SLC44A1: variants seen among roughly 807,000 people sequenced by gnomAD.
The protein encoded by SLC44A1 is solute carrier family 44 member 1.
Under a neutral mutation model 79.3 loss-of-function variants are expected in SLC44A1, and 26 were observed. The ratio of observed to expected loss-of-function variants is 0.33; its 90% CI spans 0.24 to 0.46. SLC44A1 has a LOEUF of 0.46. Among genes scored for constraint, SLC44A1 ranks in the 20% least tolerant of loss-of-function variants. The pLI is 1.00. For synonymous variants in SLC44A1, 263 were observed against 286.2 expected (o/e 0.92, Z 0.82); for missense variants, 688 against 798.1 (o/e 0.86, Z 1.66).
chr9:105,334,692 T>G (rs1826856782), intron 3 of SLC44A1, among the ~76,000 whole-genome samples: 1 of 152,234 alleles, frequency 6.6e-6, no homozygotes, highest in Non-Finnish European at 1.5e-5. Context: ...TAGCCCTTAC[T>G]TTCTCTTTGA....
At chr9:105,258,682 G>C (rs771314906) in intron 1 of SLC44A1, among the ~76,000 whole-genome samples, 2 of 151,980 alleles carry the variant, frequency 1.3e-5, no homozygotes, top group Non-Finnish European at 2.9e-5. Flanking sequence ...GCTGTTTGCT[G>C]TTTGTTGTTT....
chr9:105,272,309 C>T (rs545785079), intron 1 of SLC44A1, among the ~76,000 whole-genome samples: 28 of 152,022 alleles, frequency 1.8e-4, no homozygotes, highest in Non-Finnish European at 2.9e-4. Context: ...AATATGTAAT[C>T]ACCACAACAG....
chr9:105,429,182 G>A (rs1447254216), intron 15 of SLC44A1, among the ~76,000 whole-genome samples: 1 of 152,330 alleles, frequency 6.6e-6, no homozygotes, highest in Non-Finnish European at 1.5e-5. Flanking sequence ...CACATCCACA[G>A]GGCACACAAT....
In SLC44A1 at chr9:105,389,564, A is replaced by G. The variant is rs1047272046; in HGVS notation, c.*508A>G. 35 of 1,105,992 alleles carry G rather than the reference A, an allele frequency of 3.2e-5. No individual in the cohort carries two copies. Among genetic ancestry groups the G allele is most frequent in the Middle Eastern group, 3.9e-4 (1 of 2,542 alleles). The allele number at this position is 1,105,992 out of a possible 1,614,324, so 68.5% of individuals were successfully genotyped here. ...AGATAAATAAGGAATTACTCCAATC[A>G]GTTTTCCCCAATCAAAGAAGCCATG... is the stretch of plus-strand genomic sequence containing the variant. On this transcript the variant is annotated 3_prime_UTR_variant, in exon 16 of 16. Coordinates refer to ENST00000374720, the MANE Select transcript of SLC44A1 (RefSeq NM_080546.5).
chr9:105,262,540 A>G (rs564478481), intron 1 of SLC44A1, among the ~76,000 whole-genome samples: 4 of 152,238 alleles, frequency 2.6e-5, no homozygotes, highest in East Asian at 1.9e-4. Context: ...AGTAGAACAC[A>G]TCGAAAGTAT....
At position 105,393,608 on chromosome 9, in the gene SLC44A1, C is replaced by G. The variant is rs758072880; in HGVS notation, c.*4552C>G. ...TTACTGATTTCTGTGGAAAACCTTTCTTTTCTATAGAAATACTGTAGTGCC... is the reference window on the plus strand; with the variant it reads ...TTACTGATTTCTGTGGAAAACCTTTGTTTTCTATAGAAATACTGTAGTGCC... On this transcript the variant is annotated 3_prime_UTR_variant, in exon 16 of 16. Transcript: ENST00000374720. 9 of 973,256 alleles carry G rather than the reference C, an allele frequency of 9.2e-6. No individual in the cohort carries two copies. Among genetic ancestry groups the G allele is most frequent in the Non-Finnish European group, 9.8e-6 (8 of 818,880 alleles). 60.3% of individuals were successfully genotyped at this position (973,256 alleles called of 1,614,324 possible).
chr9:105,423,695 C>T (rs185569659), intron 15 of SLC44A1, among the ~76,000 whole-genome samples: 119 of 152,294 alleles, frequency 7.8e-4, no homozygotes, highest in African/African-American at 2.8e-3. Flanking sequence ...TAAATAGTAA[C>T]ACTGTTAAAC....
intron 1 of SLC44A1, among the ~76,000 whole-genome samples, chr9:105,280,004 AG>A (rs1334124777): frequency 1.2e-4 from 19 of 152,370 alleles, no homozygotes; most frequent in African/African-American, 3.4e-4. Context: ...GTTGAAATGA[AG>A]AAAACTATAA....
chr9:105,414,030 C>T (rs1829133084), intron 15 of SLC44A1, among the ~76,000 whole-genome samples: 1 of 148,780 alleles, frequency 6.7e-6, no homozygotes. Flanking sequence ...GCTAAGCTTT[C>T]GCTGGACAGT....
chr9:105,384,331 C>T (rs1391730971), intron 14 of SLC44A1, among the ~76,000 whole-genome samples: 1 of 152,072 alleles, frequency 6.6e-6, no homozygotes, highest in Non-Finnish European at 1.5e-5. Flanking sequence ...CATGCATGTG[C>T]CACCACTCCT....
At chr9:105,385,949 G>T (rs1356959843) in intron 15 of SLC44A1, 1 of 985,164 alleles carries the variant, frequency 1.0e-6, no homozygotes, top group Non-Finnish European at 1.2e-6. Context: ...TAAAAGTATG[G>T]TTCTGCTTAC....
At chr9:105,372,248 A>G (rs575450706) in intron 12 of SLC44A1, among the ~76,000 whole-genome samples, 63 of 152,316 alleles carry the variant, frequency 4.1e-4, no homozygotes, top group African/African-American at 1.4e-3. Flanking sequence ...CCCAATTTGT[A>G]TGATGGAATT....
intron 4 of SLC44A1, among the ~76,000 whole-genome samples, chr9:105,347,615 G>T (rs1827280110): frequency 6.6e-6 from 1 of 151,832 alleles, no homozygotes; most frequent in Admixed American, 6.6e-5. Flanking sequence ...TTTACATTGT[G>T]TACATTTTAC....
At chr9:105,399,675 TAGGA>T (rs1291419269), downstream of SLC44A1, among the ~76,000 whole-genome samples, 1 of 152,158 alleles carries the variant, frequency 6.6e-6, no homozygotes, top group Non-Finnish European at 1.5e-5. Context: ...AAAAGTTCAA[TAGGA>T]AGGACTGGGC....
rs763560042 is a variant in SLC44A1 at position 105,335,690 on chromosome 9, G to A, written c.397G>A (p.Glu133Lys). 5 of 1,613,138 alleles carry A rather than the reference G, an allele frequency of 3.1e-6. No individual in the cohort carries two copies. The highest frequency in any genetic ancestry group is 2.5e-6 in the Non-Finnish European group (3 of 1,179,448). ...KTLSDVQKFAEINGSALCSYN... is the reference protein window; with the variant it reads ...KTLSDVQKFAKINGSALCSYN... Reference sequence around the variant, plus strand: ...TCTGAGTGATGTTCAGAAGTTTGCAGAGATAAATGGTGAGACATTAGGCCA... The same window carrying A: ...TCTGAGTGATGTTCAGAAGTTTGCAAAGATAAATGGTGAGACATTAGGCCA... Residue 133 changes from glutamate to lysine, a missense_variant, in exon 4 of 16, where the codon GAG becomes AAG. Physicochemically the swap from Glu to Lys is moderately conservative, Grantham distance 56. Transcript: ENST00000374720.
intron 3 of SLC44A1, among the ~76,000 whole-genome samples, chr9:105,331,930 G>T (rs1231950722): frequency 6.6e-6 from 1 of 152,132 alleles, no homozygotes; most frequent in Non-Finnish European, 1.5e-5. Flanking sequence ...ACCTCACAGA[G>T]TTGTTGCAAA....
intron 1 of SLC44A1, among the ~76,000 whole-genome samples, chr9:105,245,295 C>T (rs1564393926): frequency 6.6e-6 from 1 of 152,060 alleles, no homozygotes; most frequent in Non-Finnish European, 1.5e-5. Context: ...TCTTCCACCT[C>T]CGTGGAGTCT....
At chr9:105,385,282 A>G (rs1828595771) in intron 14 of SLC44A1, 140 bp from the exon 15 acceptor site, 5 of 631,116 alleles carry the variant, frequency 7.9e-6, no homozygotes, top group Non-Finnish European at 1.4e-5. Context: ...CATGTGTGAT[A>G]CTAAACATTA....
chr9:105,380,924 CTGTT>C (rs539203981), intron 13 of SLC44A1, among the ~76,000 whole-genome samples: 6 of 152,134 alleles, frequency 3.9e-5, no homozygotes, highest in Non-Finnish European at 5.9e-5. Flanking sequence ...ATTAATGTAT[CTGTT>C]TGAATAAGTG....
Sources: gnomAD v4.1 joint callset for allele counts (sites outside exome capture counted in the v4.1 genomes callset) on GRCh38, gnomAD v4.1.1 for gene constraint, MANE v1.5 for transcripts, NCBI Gene and HGNC (gene_info 2026-07-23, HGNC 2026-07-21) for gene names.